The following TMC2 variants were observed in gnomAD, a reference collection of about 807,000 sequenced individuals.
The protein encoded by TMC2 is transmembrane channel like 2.
In TMC2, 102 loss-of-function variants were observed where a neutral mutation model predicts 105.9. The ratio of observed to expected loss-of-function variants is 0.96; its 90% confidence interval spans 0.82 to 1.14. The LOEUF (loss-of-function observed/expected upper bound fraction) is 1.14. TMC2 is among the 50% of genes most tolerant of loss of function. The pLI is 0.00. For missense variants in TMC2, 1,093 were observed against 1,134.3 expected (o/e 0.96, Z 0.52); for synonymous variants, 402 against 422.8 (o/e 0.95, Z 0.60).
At chr20:2,565,350 C>T (rs1329721522) in intron 4 of TMC2, among the ~76,000 whole-genome samples, 3 of 152,198 alleles carry the variant, frequency 2.0e-5, no homozygotes, top group Admixed American at 6.5e-5. Flanking sequence ...AGTTAAGTGG[C>T]GCAGCCAGGA....
At chr20:2,621,234 T>C (rs936419174) in intron 16 of TMC2, among the ~76,000 whole-genome samples, 5 of 151,876 alleles carry the variant, frequency 3.3e-5, no homozygotes, top group Admixed American at 1.3e-4. Context: ...TGGTGGTGCG[T>C]GCCTGTAATC....
chr20:2,552,957 T>C (rs1470496587), intron 2 of TMC2, among the ~76,000 whole-genome samples: 1 of 152,244 alleles, frequency 6.6e-6, no homozygotes, highest in African/African-American at 2.4e-5. Context: ...AAATGGCTTA[T>C]TGGTTCTAGG....
intron 2 of TMC2, among the ~76,000 whole-genome samples, chr20:2,542,757 T>A (rs2085898331): frequency 1.3e-5 from 2 of 150,260 alleles, no homozygotes; most frequent in African/African-American, 4.9e-5. Context: ...CAGTGGCACA[T>A]CTTGGCTCAC....
In TMC2 at chr20:2,613,264, G is replaced by A. The variant is rs749890793; in HGVS notation, c.1814G>A (p.Arg605Gln). ...ACCATCCTGCTGGGGGACTTCCTAC[G>A]GGCTTGTTTTGTGCGGTTCATGAAC... Reference protein sequence around the residue: ...YITILLGDFLRACFVRFMNYC... With the variant: ...YITILLGDFLQACFVRFMNYC... Residue 605 changes from arginine to glutamine, a missense_variant, in exon 14 of 20, where the codon CGG becomes CAG. Coordinates refer to ENST00000358864, the MANE Select transcript of TMC2 (RefSeq NM_080751.3). The A allele has an allele frequency of 1.1e-5, 17 of 1,613,924 alleles. No individual in the cohort carries two copies. Among genetic ancestry groups the A allele is most frequent in the South Asian group, 2.2e-5 (2 of 91,072 alleles).
chr20:2,624,982 C>T (rs6037137), intron 17 of TMC2, among the ~76,000 whole-genome samples: 1 of 151,842 alleles, frequency 6.6e-6, no homozygotes, highest in East Asian at 1.9e-4. Context: ...AAGCTGGTTC[C>T]TTCATCACTG....
At chr20:2,635,583 AG>A (rs1211313131) in intron 17 of TMC2, among the ~76,000 whole-genome samples, 1 of 152,206 alleles carries the variant, frequency 6.6e-6, no homozygotes, top group Non-Finnish European at 1.5e-5. Flanking sequence ...AGCTTGGCAC[AG>A]GGCAGGTGCC....
In TMC2 at chr20:2,616,224, T is replaced by C. The variant is rs371924193; in HGVS notation, c.1940+20T>C. ...GATCTGGTGAGTTATCCATTTCATCTGGTGATCGCCTCATCCAAGGAGTCA... is the reference window on the plus strand; with the variant it reads ...GATCTGGTGAGTTATCCATTTCATCCGGTGATCGCCTCATCCAAGGAGTCA... On this transcript the variant is annotated intron_variant, in intron 15 of 19. Transcript: ENST00000358864. This position sits in a 1 kb window ranked among gnomAD's most constrained non-coding sequence, Gnocchi z 4.8. The C allele has an allele frequency of 6.2e-7, 1 of 1,603,026 alleles. No homozygotes were observed. Among genetic ancestry groups the C allele is most frequent in the Non-Finnish European group, 8.5e-7 (1 of 1,169,966 alleles).
intron 5 of TMC2, among the ~76,000 whole-genome samples, chr20:2,578,560 C>A (rs1220047513): frequency 6.6e-6 from 1 of 152,166 alleles, no homozygotes; most frequent in Non-Finnish European, 1.5e-5. Context: ...GGGTGTCTAG[C>A]TGGGAACAGA....
chr20:2,545,993 C>A (rs2085924197), intron 2 of TMC2, among the ~76,000 whole-genome samples: 1 of 152,098 alleles, frequency 6.6e-6, no homozygotes, highest in South Asian at 2.1e-4. Context: ...TCTTTGAAAG[C>A]AGATAGTCTC....
intron 11 of TMC2, 24 bp from the exon 12 acceptor site, chr20:2,610,395 A>G: frequency 3.1e-6 from 5 of 1,596,570 alleles, no homozygotes; most frequent in Non-Finnish European, 3.4e-6. Context: ...TGATGACACA[A>G]CGTAGGCTTT....
intron 7 of TMC2, among the ~76,000 whole-genome samples, chr20:2,589,827 G>A (rs2086256820): frequency 1.3e-5 from 2 of 152,190 alleles, no homozygotes; most frequent in Non-Finnish European, 2.9e-5. Flanking sequence ...CCGCCACCAT[G>A]CCCGGCTAAT....
At chr20:2,547,895 G>A (rs2122804933) in intron 2 of TMC2, among the ~76,000 whole-genome samples, 1 of 152,146 alleles carries the variant, frequency 6.6e-6, no homozygotes, top group African/African-American at 2.4e-5. Context: ...TTTCCATTCA[G>A]GTTTTGTCCT....
chr20:2,608,945 G>A (rs544833283), intron 11 of TMC2, among the ~76,000 whole-genome samples: 50 of 152,284 alleles, frequency 3.3e-4, no homozygotes, highest in South Asian at 1.5e-3. Context: ...CACATAGTAA[G>A]TGCTTAATAA....
chr20:2,567,241 C>A (rs533378403), intron 4 of TMC2, among the ~76,000 whole-genome samples: 1 of 152,332 alleles, frequency 6.6e-6, no homozygotes, highest in Admixed American at 6.5e-5. Context: ...CCCTGCTCAG[C>A]GGTAACAAGG....
At position 2,641,125 on chromosome 20, in the gene TMC2, GT is replaced by G. The variant is rs777454865; in HGVS notation, c.2504-5del. ...CACTTCCTCTTTCTTGTCTTGGTTCGTTTTCCAGAGACCACTCCTCCCTCTG... is the reference window on the plus strand; with the variant it reads ...CACTTCCTCTTTCTTGTCTTGGTTCGTTTCCAGAGACCACTCCTCCCTCTG... On this transcript the variant is annotated splice_polypyrimidine_tract_variant and splice_region_variant and intron_variant, in intron 19 of 19. Coordinates refer to ENST00000358864, the MANE Select transcript of TMC2 (RefSeq NM_080751.3). 4.2e-5 allele frequency: 68 copies of G among 1,613,594 alleles called. No individual in the cohort carries two copies. The highest frequency in any genetic ancestry group is 5.5e-5 in the Non-Finnish European group (65 of 1,179,762).
intron 14 of TMC2, 99 bp downstream of exon 14, chr20:2,613,421 A>C (rs772306169): frequency 2.2e-5 from 34 of 1,539,648 alleles, no homozygotes; most frequent in Non-Finnish European, 3.0e-5. Context: ...ATTTCTTTGG[A>C]AGCTTAATGA....
At chr20:2,603,031 C>T (rs2083502800) in intron 11 of TMC2, among the ~76,000 whole-genome samples, 1 of 152,178 alleles carries the variant, frequency 6.6e-6, no homozygotes, top group African/African-American at 2.4e-5. Flanking sequence ...GAGACTTGCT[C>T]TTTTACTGCT....
At chr20:2,595,035 T>C (rs929513225) in intron 9 of TMC2, 68 bp downstream of exon 9, 2 of 1,534,034 alleles carry the variant, frequency 1.3e-6, no homozygotes, top group Non-Finnish European at 1.8e-6. Context: ...GGCCACTCTA[T>C]GCCTACCTCC....
intron 17 of TMC2, among the ~76,000 whole-genome samples, chr20:2,625,042 G>A (rs553818412): frequency 1.2e-4 from 19 of 152,234 alleles, no homozygotes; most frequent in South Asian, 1.2e-3. Context: ...CTGTATCCCC[G>A]GTGCCAGCCT....
Sources: allele counts gnomAD v4.1 joint callset (sites outside exome capture counted in the v4.1 genomes callset), GRCh38; gene constraint gnomAD v4.1.1; non-coding constraint Gnocchi (gnomAD v3.1); transcripts MANE v1.5; gene names NCBI Gene and HGNC (gene_info 2026-07-23, HGNC 2026-07-21).